MADD: variants seen among roughly 807,000 people sequenced by gnomAD.
The protein encoded by MADD is MAP kinase-activating death domain protein.
MADD carries 109 observed loss-of-function variants against 176.7 expected under a neutral mutation model. That is an observed-to-expected ratio of 0.62 (90% CI 0.53 to 0.72). The LOEUF (loss-of-function observed/expected upper bound fraction) is 0.72, where lower values mean the gene tolerates loss of function less well. Ranked by LOEUF, MADD falls within the 30% of genes least tolerant of loss-of-function variation. The probability of loss-of-function intolerance (pLI) is 0.00; values close to 1 mark genes in which losing one functional copy is unlikely to be tolerated. For synonymous variants in MADD, 771 were observed against 771.3 expected (o/e 1.00, Z 0.01); for missense variants, 1,914 against 2,045.5 (o/e 0.94, Z 1.24).
chr11:47,293,162 C>T (rs994123640), intron 19 of MADD, among the ~76,000 whole-genome samples: 3 of 152,222 alleles, frequency 2.0e-5, no homozygotes, highest in Non-Finnish European at 2.9e-5. Flanking sequence ...TCATCGGGCC[C>T]AACCTTTTCT....
In MADD at chr11:47,287,317, G is replaced by A. The variant is rs111893736; in HGVS notation, c.2653+783G>A. Among the ~76,000 whole-genome samples the A allele has an allele frequency of 6.1e-3, 923 of 152,016 alleles. 14 individuals carry two copies. Among genetic ancestry groups the A allele is most frequent in the African/African-American group, 0.021 (869 of 41,496 alleles). On this transcript the variant is annotated intron_variant, in intron 15 of 32. Transcript: ENST00000402192. ...AGCCTGGGTGACAGAGCAAGACTCC[G>A]TCTTAAAAAAACAAAAAACAAAAAA... is the stretch of plus-strand genomic sequence containing the variant.
intron 22 of MADD, among the ~76,000 whole-genome samples, chr11:47,305,562 G>A (rs1349174339): frequency 6.6e-5 from 10 of 152,212 alleles, no homozygotes; most frequent in African/African-American, 2.2e-4. Context: ...CAGGTCCCAC[G>A]GAATGAGGCA....
intron 1 of MADD, chr11:47,272,052 C>G (rs553659906): frequency 6.6e-6 from 1 of 152,364 alleles, no homozygotes; most frequent in African/African-American, 2.4e-5. Flanking sequence ...GTACAAACTA[C>G]AGACAGATGA....
At chr11:47,280,962 G>A (rs1447767966) in intron 7 of MADD, among the ~76,000 whole-genome samples, 1 of 152,236 alleles carries the variant, frequency 6.6e-6, no homozygotes, top group East Asian at 1.9e-4. Context: ...TTGTGAACCA[G>A]CAACATTAGC....
rs970992705 is a variant in MADD at position 47,325,576 on chromosome 11, G to A, written c.4542+999G>A. Among the ~76,000 whole-genome samples, 3 of 152,236 alleles carry A rather than the reference G, an allele frequency of 2.0e-5. No individual in the cohort carries two copies. Among genetic ancestry groups the A allele is most frequent in the Non-Finnish European group, 2.9e-5 (2 of 68,036 alleles). The stretch of plus-strand genomic sequence containing the variant: ...CTTTGGTTTAACAGGAAATGGCTGC[G>A]CAGGCTGCCAGCAGCCCCTTAGTAT... On this transcript the variant is annotated intron_variant, in intron 30 of 32. Transcript: ENST00000402192. The surrounding 1 kb of genome is among the most constrained non-coding windows in gnomAD (Gnocchi z 4.5).
chr11:47,296,212 G>T (rs1034886632), intron 22 of MADD, among the ~76,000 whole-genome samples, 157 bp downstream of exon 24: 2 of 152,174 alleles, frequency 1.3e-5, no homozygotes, highest in African/African-American at 4.8e-5. Flanking sequence ...ATTTCTTAAG[G>T]CTTTGTTCAG....
At chr11:47,300,450 ACCCC>A (rs756065516) in intron 22 of MADD, among the ~76,000 whole-genome samples, 10 of 101,486 alleles carry the variant, frequency 9.9e-5, no homozygotes, top group Non-Finnish European at 1.7e-4. Flanking sequence ...CAAGTGATCT[ACCCC>A]CCGCCCGCCC....
At chr11:47,289,368 C>T in intron 15 of MADD, 23 bp from the exon 17 acceptor site, 1 of 1,579,300 alleles carries the variant, frequency 6.3e-7, no homozygotes, top group Non-Finnish European at 8.7e-7. Context: ...TGATGTCTCT[C>T]ATTCCTGCCT....
chr11:47,288,438 C>A (rs541748997), intron 15 of MADD, among the ~76,000 whole-genome samples: 145 of 152,258 alleles, frequency 9.5e-4, no homozygotes, highest in African/African-American at 3.4e-3. Flanking sequence ...CACATGTGGC[C>A]GGGTAGGCTA....
chr11:47,300,162 C>T (rs2076498869), intron 22 of MADD, among the ~76,000 whole-genome samples: 1 of 150,578 alleles, frequency 6.6e-6, no homozygotes, highest in Admixed American at 6.6e-5. Context: ...TAGAATTCTG[C>T]ATTGAAGCTA....
chr11:47,309,414 G>C lies in MADD; in HGVS notation c.3872+13G>C, dbSNP rs1290975582. 1.2e-6 allele frequency: 2 copies of C among 1,614,102 alleles called. No homozygotes were observed. The highest frequency in any genetic ancestry group is 1.7e-6 in the Non-Finnish European group (2 of 1,179,978). ...AAATGATCGACAGGTATGGGGCTTA[G>C]GAAACCATTGGGAATCAGCAAACTC... On this transcript the variant is annotated intron_variant, in intron 24 of 32. Coordinates refer to ENST00000402192, the Ensembl canonical transcript of MADD.
intron 30 of MADD, 47 bp from the exon 35 acceptor site, chr11:47,326,691 G>T: frequency 6.2e-7 from 1 of 1,602,142 alleles, no homozygotes; most frequent in South Asian, 1.1e-5. Flanking sequence ...TGTGGGGCAG[G>T]GGTGGAGCCT....
At chr11:47,269,424 A>T (rs1958225010), upstream of MADD, 1 of 152,370 alleles carries the variant, frequency 6.6e-6, no homozygotes, top group African/African-American at 2.4e-5. Flanking sequence ...CATGTGTAGC[A>T]TGCCTTGGTT....
rs1308377900 is a variant in MADD, at chr11:47,284,151, T to C, written c.1863-27T>C. On this transcript the variant is annotated intron_variant, in intron 10 of 32. Transcript: ENST00000402192. The stretch of plus-strand genomic sequence containing the variant: ...TTCTCCCTGCCCCTTTCTGTTTTGT[T>C]TGTTTTTTATGCACTTCACTCTGCA... The C allele has an allele frequency of 4.0e-6, 6 of 1,518,306 alleles. 1 individual carries two copies. Among genetic ancestry groups the C allele is most frequent in the African/African-American group, 2.7e-5 (2 of 72,998 alleles). The allele number at this position is 1,518,306 out of a possible 1,614,324, so 94.1% of individuals were successfully genotyped here. A position where few individuals can be genotyped will look rare whatever the true frequency, so the allele number is the denominator to read the frequency against.
rs2054823782 is a variant in MADD, at chr11:47,279,965, G to C, written c.1290+886G>C. Among the ~76,000 whole-genome samples the C allele has an allele frequency of 2.0e-5, 3 of 152,162 alleles. No individual in the cohort carries two copies. The South Asian group carries it at 6.2e-4, about 32-fold the overall frequency. Reference sequence around the variant, plus strand: ...GGACGCCCGTAGTCCAGCTACTCAGGAGGCTGAGGTAGAAGAATCACTTGA... The same window carrying C: ...GGACGCCCGTAGTCCAGCTACTCAGCAGGCTGAGGTAGAAGAATCACTTGA... On this transcript the variant is annotated intron_variant, in intron 7 of 32. Coordinates refer to ENST00000402192, the Ensembl canonical transcript of MADD.
chr11:47,278,233 C>T (rs1438623649), exon 6 of MADD: 1 of 1,614,132 alleles, frequency 6.2e-7, no homozygotes, highest in African/African-American at 1.3e-5. Context: ...AACTGGACTT[C>T]AAAATGCCTG....
In MADD at chr11:47,292,602, G is replaced by A; in HGVS notation, c.3302-1281G>A. On this transcript the variant is annotated intron_variant, in intron 19 of 32. Coordinates refer to ENST00000402192, the Ensembl canonical transcript of MADD. ...AAAAGCTTTGGAAAAACAGAGTAAGGAACAAATGCCCTTTCCTGTTCCCAA... is the reference window on the plus strand; with the variant it reads ...AAAAGCTTTGGAAAAACAGAGTAAGAAACAAATGCCCTTTCCTGTTCCCAA... The A allele has an allele frequency of 1.9e-6, 3 of 1,613,936 alleles. No homozygotes were observed. Among genetic ancestry groups the A allele is most frequent in the Non-Finnish European group, 2.5e-6 (3 of 1,179,932 alleles).
intron 22 of MADD, among the ~76,000 whole-genome samples, chr11:47,307,551 A>C (rs954367415): frequency 6.6e-6 from 1 of 152,020 alleles, no homozygotes; most frequent in Non-Finnish European, 1.5e-5. Context: ...ATTAGGTCTT[A>C]CCCAATAACC....
In MADD at chr11:47,309,395, TC is replaced by T; in HGVS notation, c.3867del (p.Ile1289MetfsTer36). On this transcript the variant is annotated frameshift_variant, in exon 24 of 33. Coordinates refer to ENST00000402192, the Ensembl canonical transcript of MADD. LOFTEE classifies it high-confidence loss of function. ...ATGGACCAGGGTCCCCAGGAAATGATCGACAGGTATGGGGCTTAGGAAACCA... is the reference window on the plus strand; with the variant it reads ...ATGGACCAGGGTCCCCAGGAAATGATGACAGGTATGGGGCTTAGGAAACCA... 6.2e-7 allele frequency: 1 copy of T among 1,614,174 alleles called. No homozygotes were observed. Among genetic ancestry groups the T allele is most frequent in the Non-Finnish European group, 8.5e-7 (1 of 1,180,012 alleles).
Sources: gnomAD v4.1 joint callset for allele counts (sites outside exome capture counted in the v4.1 genomes callset) on GRCh38, gnomAD v4.1.1 for gene constraint, Gnocchi (gnomAD v3.1) non-coding constraint, MANE v1.5 for transcripts, NCBI Gene and HGNC (gene_info 2026-07-23, HGNC 2026-07-21) for gene names.